ROBO2: variants seen among roughly 807,000 people sequenced by gnomAD.
The protein encoded by ROBO2 is roundabout guidance receptor 2, also known as roundabout homolog 2.
A neutral mutation model predicts 160.8 loss-of-function variants in ROBO2; 53 were observed. The observed-to-expected ratio is 0.33, with a 90% confidence interval of 0.26 to 0.41. The LOEUF is 0.41. Among genes scored for constraint, ROBO2 ranks in the 10% least tolerant of loss-of-function variants. The probability of loss-of-function intolerance (pLI) is 1.00; values close to 1 mark genes in which losing one functional copy is unlikely to be tolerated. For missense variants in ROBO2, 1,577 were observed against 1,722.4 expected (o/e 0.92, Z 1.49); for synonymous variants, 664 against 611.7 (o/e 1.09, Z -1.26).
At chr3:75,970,507 A>G (rs1409247490) in intron 2 of ROBO2, among the ~76,000 whole-genome samples, 1 of 151,576 alleles carries the variant, frequency 6.6e-6, no homozygotes, top group African/African-American at 2.4e-5. Flanking sequence ...GAAATGTTCT[A>G]AACAGTATGT....
At chr3:77,219,870 C>T (rs1396601356) in intron 2 of ROBO2, among the ~76,000 whole-genome samples, 2 of 151,220 alleles carry the variant, frequency 1.3e-5, no homozygotes, top group South Asian at 2.1e-4. Flanking sequence ...TTGTGAAATA[C>T]GAGATGTAGA....
chr3:76,035,040 A>C (rs1023972873), intron 2 of ROBO2, among the ~76,000 whole-genome samples: 4 of 151,978 alleles, frequency 2.6e-5, no homozygotes, highest in Non-Finnish European at 5.9e-5. Flanking sequence ...TCTTCTTTAT[A>C]ATCGCCTCCT....
intron 2 of ROBO2, among the ~76,000 whole-genome samples, chr3:77,229,787 A>T (rs2086940290): frequency 6.6e-6 from 1 of 151,882 alleles, no homozygotes; most frequent in South Asian, 2.1e-4. Context: ...TGTGCTGCCA[A>T]TTTTTCTTCC....
chr3:77,262,708 G>A (rs555478550), intron 2 of ROBO2, among the ~76,000 whole-genome samples: 2 of 152,178 alleles, frequency 1.3e-5, no homozygotes, highest in Admixed American at 6.5e-5. Flanking sequence ...ATCCCTGAAA[G>A]CTACTGGAAA....
intron 2 of ROBO2, among the ~76,000 whole-genome samples, chr3:77,322,092 T>C (rs1360427363): frequency 6.6e-6 from 1 of 152,184 alleles, no homozygotes; most frequent in East Asian, 1.9e-4. Context: ...GGCACTGTTT[T>C]ATACCATAAT....
At chr3:77,307,562 T>C (rs957259165) in intron 2 of ROBO2, among the ~76,000 whole-genome samples, 4 of 152,148 alleles carry the variant, frequency 2.6e-5, no homozygotes, top group Non-Finnish European at 5.9e-5. Flanking sequence ...TGCCATTCTT[T>C]ATACTACTTA....
chr3:76,186,566 T>C (rs1701775126), intron 2 of ROBO2, among the ~76,000 whole-genome samples: 1 of 152,082 alleles, frequency 6.6e-6, no homozygotes, highest in Non-Finnish European at 1.5e-5. Context: ...TCTCTGTCAA[T>C]AGTTCACCCT....
At chr3:76,575,122 T>C (rs2085206796) in intron 2 of ROBO2, among the ~76,000 whole-genome samples, 1 of 152,068 alleles carries the variant, frequency 6.6e-6, no homozygotes, top group Non-Finnish European at 1.5e-5. Context: ...AGAGATAGGG[T>C]CTTGCTAAGT....
chr3:76,476,066 T>C (rs1389405892), intron 2 of ROBO2, among the ~76,000 whole-genome samples: 1 of 152,054 alleles, frequency 6.6e-6, no homozygotes, highest in African/African-American at 2.4e-5. Flanking sequence ...GGCAGGAGAA[T>C]CACTTAAACC....
chr3:76,886,205 T>C (rs937982842), intron 2 of ROBO2, among the ~76,000 whole-genome samples: 1 of 151,834 alleles, frequency 6.6e-6, no homozygotes, highest in Admixed American at 6.6e-5. Flanking sequence ...GCACATAAAC[T>C]TTTTCTTGAG....
chr3:75,985,278 T>C (rs2107473848), intron 2 of ROBO2, among the ~76,000 whole-genome samples: 1 of 151,588 alleles, frequency 6.6e-6, no homozygotes, highest in East Asian at 1.9e-4. Flanking sequence ...GTGGTAACTT[T>C]GCAAAATAAA....
chr3:76,265,021 A>G (rs1296923141), intron 2 of ROBO2, among the ~76,000 whole-genome samples: 1 of 152,124 alleles, frequency 6.6e-6, no homozygotes, highest in Non-Finnish European at 1.5e-5. Flanking sequence ...CACATTTGCT[A>G]TCTAAAGAAA....
At chr3:76,453,932 T>G (rs2077611650) in intron 2 of ROBO2, among the ~76,000 whole-genome samples, 1 of 152,104 alleles carries the variant, frequency 6.6e-6, no homozygotes, top group Non-Finnish European at 1.5e-5. Context: ...ATAAGGACAT[T>G]CATGTGGAGT....
chr3:76,327,120 T>G (rs900258663), intron 2 of ROBO2, among the ~76,000 whole-genome samples: 5 of 152,152 alleles, frequency 3.3e-5, no homozygotes, highest in Non-Finnish European at 4.4e-5. Context: ...GGCTCTTGAT[T>G]CATAATGCCC....
intron 2 of ROBO2, among the ~76,000 whole-genome samples, chr3:76,319,877 A>T (rs1010845333): frequency 6.6e-6 from 1 of 152,014 alleles, no homozygotes; most frequent in Non-Finnish European, 1.5e-5. Flanking sequence ...AAATTCAAGT[A>T]ATCTATGTAG....
intron 2 of ROBO2, among the ~76,000 whole-genome samples, chr3:76,605,225 T>C (rs955413538): frequency 6.6e-6 from 1 of 152,152 alleles, no homozygotes; most frequent in Non-Finnish European, 1.5e-5. Context: ...AACTGCTTTA[T>C]TTTTATCCTC....
intron 1 of ROBO2, among the ~76,000 whole-genome samples, chr3:75,929,015 A>G (rs1173538975): frequency 7.0e-6 from 1 of 143,264 alleles, no homozygotes; most frequent in Non-Finnish European, 1.5e-5. Context: ...GCTCATGATT[A>G]TAGAATGATC....
chr3:76,470,866 C>T (rs1033407469), intron 2 of ROBO2, among the ~76,000 whole-genome samples: 1 of 152,046 alleles, frequency 6.6e-6, no homozygotes, highest in African/African-American at 2.4e-5. Flanking sequence ...TGTAGTCTTA[C>T]CTTTGACCCC....
chr3:77,015,336 G>A (rs922491207), intron 2 of ROBO2, among the ~76,000 whole-genome samples: 1 of 152,148 alleles, frequency 6.6e-6, no homozygotes, highest in South Asian at 2.1e-4. Context: ...TTGTGTACAC[G>A]AATGGGATTT....
Sources: gnomAD v4.1 joint callset for allele counts (sites outside exome capture counted in the v4.1 genomes callset) on GRCh38, gnomAD v4.1.1 for gene constraint, MANE v1.5 for transcripts, NCBI Gene and HGNC (gene_info 2026-07-23, HGNC 2026-07-21) for gene names.